CSMD1: variants seen among roughly 807,000 people sequenced by gnomAD.
The protein encoded by CSMD1 is CUB and sushi domain-containing protein 1.
CSMD1 carries 213 observed loss-of-function variants against 417.5 expected under a neutral mutation model. The ratio of observed to expected loss-of-function variants is 0.51; its 90% CI spans 0.46 to 0.57. The LOEUF (loss-of-function observed/expected upper bound fraction) is 0.57. Ranked by LOEUF, CSMD1 falls within the 20% of genes least tolerant of loss-of-function variation. The pLI, the probability that CSMD1 is intolerant of heterozygous loss-of-function variation, is 0.00. For missense variants in CSMD1, 6,923 were observed against 4,529.7 expected (o/e 1.53, Z -15.17); for synonymous variants, 2,862 against 1,736.8 (o/e 1.65, Z -16.11).
chr8:4,206,132 T>C (rs1459206844), intron 3 of CSMD1, among the ~76,000 whole-genome samples: 1 of 152,126 alleles, frequency 6.6e-6, no homozygotes, highest in African/African-American at 2.4e-5. Context: ...AGGGAGGGTA[T>C]TTTACCTTTT....
At chr8:2,952,256 G>C (rs1802687396) in intron 65 of CSMD1, among the ~76,000 whole-genome samples, 1 of 152,114 alleles carries the variant, frequency 6.6e-6, no homozygotes, top group Non-Finnish European at 1.5e-5. Flanking sequence ...TTGCTAGGTG[G>C]AAATGAAGAT....
At chr8:3,543,837 C>G (rs1338113431) in intron 10 of CSMD1, among the ~76,000 whole-genome samples, 1 of 152,076 alleles carries the variant, frequency 6.6e-6, no homozygotes, top group African/African-American at 2.4e-5. Context: ...TAGAGGTTAG[C>G]AGATGGATTG....
intron 3 of CSMD1, among the ~76,000 whole-genome samples, chr8:4,230,158 G>C (rs895724992): frequency 6.6e-6 from 1 of 152,108 alleles, no homozygotes; most frequent in Non-Finnish European, 1.5e-5. Flanking sequence ...GCAGTGCTGG[G>C]TATGTTTGAA....
chr8:3,814,208 C>A (rs1161415373), intron 5 of CSMD1, among the ~76,000 whole-genome samples: 1 of 152,144 alleles, frequency 6.6e-6, no homozygotes, highest in East Asian at 1.9e-4. Flanking sequence ...ACATGTTTCC[C>A]AGCTCATCAG....
At chr8:4,448,963 T>TG (rs1798974137) in intron 2 of CSMD1, among the ~76,000 whole-genome samples, 1 of 152,224 alleles carries the variant, frequency 6.6e-6, no homozygotes, top group South Asian at 2.1e-4. Context: ...GTTTCTCTTC[T>TG]GGATCCTAAG....
At chr8:3,539,378 G>A (rs181871168) in intron 10 of CSMD1, among the ~76,000 whole-genome samples, 1 of 152,186 alleles carries the variant, frequency 6.6e-6, no homozygotes, top group South Asian at 2.1e-4. Flanking sequence ...ACTATAAGAA[G>A]TATATACATA....
At chr8:3,480,964 G>A (rs766075342) in intron 11 of CSMD1, among the ~76,000 whole-genome samples, 7 of 151,732 alleles carry the variant, frequency 4.6e-5, no homozygotes, top group African/African-American at 9.7e-5. Flanking sequence ...AGACTATCCT[G>A]GCTAACATAG....
Position 3,097,881 on chromosome 8 carries a change from A to T in CSMD1, c.6950-844T>A, listed in dbSNP as rs560617806. Among the ~76,000 whole-genome samples, 143 of 152,344 alleles carry T rather than the reference A, an allele frequency of 9.4e-4. 1 individual carries two copies. Among genetic ancestry groups the T allele is most frequent in the South Asian group, 8.3e-3 (40 of 4,826 alleles). ...TCAATCCCACATGGGACATCTCAGCAGGAGCCCTGATTCCTAAGGGATGAA... is the reference window on the plus strand; with the variant it reads ...TCAATCCCACATGGGACATCTCAGCTGGAGCCCTGATTCCTAAGGGATGAA... On this transcript the variant is annotated intron_variant, in intron 46 of 69. Coordinates refer to ENST00000635120, the MANE Select transcript of CSMD1 (RefSeq NM_033225.6).
chr8:3,814,390 T>C (rs934075797), intron 5 of CSMD1, among the ~76,000 whole-genome samples: 3 of 152,208 alleles, frequency 2.0e-5, no homozygotes, highest in African/African-American at 7.2e-5. Context: ...CATTATACTA[T>C]ATCAGGGAGT....
intron 3 of CSMD1, among the ~76,000 whole-genome samples, chr8:4,084,297 GAAAA>G (rs567731269): frequency 6.9e-6 from 1 of 145,598 alleles, no homozygotes; most frequent in Non-Finnish European, 1.5e-5. Context: ...CAACTTTTAT[GAAAA>G]AAGTGACAAA....
intron 1 of CSMD1, among the ~76,000 whole-genome samples, chr8:4,913,957 T>A (rs1805873204): frequency 6.6e-6 from 1 of 152,218 alleles, no homozygotes; most frequent in South Asian, 2.1e-4. Flanking sequence ...TAATTAATTG[T>A]AGCCAATTAA....
At chr8:3,218,376 A>G (rs565536872) in intron 29 of CSMD1, among the ~76,000 whole-genome samples, 8 of 151,482 alleles carry the variant, frequency 5.3e-5, no homozygotes, top group Non-Finnish European at 1.2e-4. Context: ...CCTGGCTAAC[A>G]CTGTGAAACC....
At position 4,826,432 on chromosome 8, in the gene CSMD1, A is replaced by G. The variant is rs76497680; in HGVS notation, c.85+167900T>C. Among the ~76,000 whole-genome samples the G allele has an allele frequency of 4.5e-3, 685 of 152,296 alleles. 4 individuals are homozygous for G. The highest frequency in any genetic ancestry group is 0.016 in the African/African-American group (667 of 41,560). On this transcript the variant is annotated intron_variant, in intron 1 of 69. Transcript: ENST00000635120. ...CCTGGAGGGCATTGCGCTAACTGAA[A>G]TAAGCTAGTCACAGAAGCAGGGATA... is the stretch of plus-strand genomic sequence containing the variant.
At chr8:4,223,379 A>C (rs990885577) in intron 3 of CSMD1, among the ~76,000 whole-genome samples, 15 of 152,238 alleles carry the variant, frequency 9.9e-5, no homozygotes, top group Non-Finnish European at 2.1e-4. Flanking sequence ...CCATCAAGTA[A>C]ATTCAGCTGC....
intron 5 of CSMD1, among the ~76,000 whole-genome samples, chr8:3,967,518 A>G (rs183973562): frequency 6.6e-6 from 1 of 152,302 alleles, no homozygotes; most frequent in Admixed American, 6.5e-5. Context: ...TGGATGGAGA[A>G]TTAAAGAGAA....
intron 1 of CSMD1, among the ~76,000 whole-genome samples, chr8:4,913,458 G>A (rs985204293): frequency 1.3e-5 from 2 of 152,002 alleles, no homozygotes; most frequent in African/African-American, 2.4e-5. Context: ...TGCTATTAAT[G>A]GCCATTGTCC....
chr8:4,451,378 T>C (rs377097869), intron 2 of CSMD1, among the ~76,000 whole-genome samples: 22 of 152,256 alleles, frequency 1.4e-4, no homozygotes, highest in African/African-American at 4.8e-4. Context: ...CAAGTGTTTA[T>C]GGAAGATAAT....
At chr8:4,386,324 C>G (rs114183048) in intron 3 of CSMD1, among the ~76,000 whole-genome samples, 509 of 151,996 alleles carry the variant, frequency 3.3e-3, no homozygotes, top group African/African-American at 0.012. Flanking sequence ...ATTCTCCTAC[C>G]TTCCGTCCTC....
At chr8:4,448,490 GAA>G (rs1563185395) in intron 2 of CSMD1, among the ~76,000 whole-genome samples, 1 of 152,158 alleles carries the variant, frequency 6.6e-6, no homozygotes, top group African/African-American at 2.4e-5. Context: ...CAGCAGAAAG[GAA>G]GCTCAGTCAT....
Sources: allele counts gnomAD v4.1 joint callset (sites outside exome capture counted in the v4.1 genomes callset), GRCh38; gene constraint gnomAD v4.1.1; transcripts MANE v1.5; gene names NCBI Gene and HGNC (gene_info 2026-07-23, HGNC 2026-07-21).